Variants in PMPCB observed in about 807,000 individuals in gnomAD.
PMPCB encodes mitochondrial-processing peptidase subunit beta.
In PMPCB, 46 loss-of-function variants were observed where a neutral mutation model predicts 61.5. That is an observed-to-expected ratio of 0.75 (90% CI 0.59 to 0.96). PMPCB has a LOEUF of 0.96. PMPCB is among the 40% of genes least tolerant of loss of function. The probability of loss-of-function intolerance (pLI) is 0.00; values close to 1 mark genes in which losing one functional copy is unlikely to be tolerated. For synonymous variants in PMPCB, 191 were observed against 201.6 expected (o/e 0.95, Z 0.44); for missense variants, 590 against 602.4 (o/e 0.98, Z 0.22).
chr7:103,322,396 A>G, intron 12 of PMPCB: 1 of 1,089,974 alleles, frequency 9.2e-7, no homozygotes, highest in Admixed American at 2.9e-5. Context: ...TCACAGTAGC[A>G]CCCAATTCTC....
rs759138144 is a variant in PMPCB, at chr7:103,298,754, TA to T, written c.240+47del. ...TCTCTAAGTGACCCTTCATTTAGCG[TA>T]GCAAATTGTTGATTTTAATCTTTAG... On this transcript the variant is annotated intron_variant, in intron 2 of 12. Transcript: ENST00000249269. 4.5e-6 allele frequency: 7 copies of T among 1,561,706 alleles called. No individual in the cohort carries two copies. The Admixed American group carries it at 1.3e-4, about 29-fold the overall frequency.
intron 12 of PMPCB, chr7:103,324,718 G>C (rs1818610354): frequency 1.4e-6 from 1 of 689,836 alleles, no homozygotes; most frequent in Non-Finnish European, 2.1e-6. Context: ...TGGAAGGTCA[G>C]CAGTGGGGCA....
chr7:103,346,426 C>T, the PMPCB span, among the ~76,000 whole-genome samples: 5 of 152,132 alleles, frequency 3.3e-5, no homozygotes, highest in Non-Finnish European at 5.9e-5. Flanking sequence ...CCACGGTGCC[C>T]GGTCGGGGGT....
At chr7:103,340,622 G>A in the PMPCB span, among the ~76,000 whole-genome samples, 1,782 of 152,256 alleles carry the variant, frequency 0.012, 32 homozygotes, top group African/African-American at 0.041. Flanking sequence ...TCCCAAGGTC[G>A]AAGTGCACCA....
the PMPCB span, chr7:103,344,275 T>TG: frequency 1.9e-6 from 1 of 514,462 alleles, no homozygotes; most frequent in East Asian, 3.3e-5. Flanking sequence ...TCTGGGGTGC[T>TG]GGGGGGTTCC....
the PMPCB span, among the ~76,000 whole-genome samples, chr7:103,338,382 C>T: frequency 3.4e-4 from 51 of 150,974 alleles, no homozygotes; most frequent in South Asian, 8.7e-3. Flanking sequence ...CTGCAACCTC[C>T]GCCTCCCGGG....
the PMPCB span, among the ~76,000 whole-genome samples, chr7:103,339,162 T>C: frequency 6.6e-6 from 1 of 152,260 alleles, no homozygotes; most frequent in Admixed American, 6.5e-5. Flanking sequence ...CTACATGTTC[T>C]TGTTTACTTA....
At chr7:103,316,728 C>T, downstream of PMPCB, 1 of 998,412 alleles carries the variant, frequency 1.0e-6, no homozygotes, top group East Asian at 2.4e-5. Context: ...CAGAATTTAT[C>T]TCTGCAAGTT....
At position 103,312,057 on chromosome 7, in the gene PMPCB, C is replaced by A; in HGVS notation, c.1331C>A (p.Ala444Asp). The change falls in exon 12 of 13, where the codon GCT (alanine) becomes GAT (aspartate). Residue 444 changes from alanine to aspartate, a missense_variant and splice_region_variant. Physicochemically the swap from Ala to Asp is moderately radical, Grantham distance 126. Transcript: ENST00000249269. ...ATGACAGTGTCTTCCATATTTCAGG[C>A]TGTGAATGCTGAGACAATTCGAGAA... ...PIPELEARID[A>D]VNAETIREVC... is the part of the protein sequence containing the mutation. The A allele has an allele frequency of 6.2e-7, 1 of 1,613,052 alleles. No individual in the cohort carries two copies.
At chr7:103,323,390 G>T (rs1173055933) in intron 12 of PMPCB, among the ~76,000 whole-genome samples, 2 of 152,058 alleles carry the variant, frequency 1.3e-5, no homozygotes, top group Admixed American at 1.3e-4. Context: ...ATATTCCTTG[G>T]CAATTTCTTA....
At chr7:103,344,214 C>T in the PMPCB span, 1 of 315,410 alleles carries the variant, frequency 3.2e-6, no homozygotes, top group Non-Finnish European at 5.9e-6. Flanking sequence ...GTGGGGTGCT[C>T]GCTGCGCGTA....
intron 3 of PMPCB, 73 bp downstream of exon 3, chr7:103,299,602 C>T (rs1817392400): frequency 1.2e-6 from 1 of 817,636 alleles, no homozygotes; most frequent in South Asian, 1.6e-5. Context: ...TCTTTAGAGG[C>T]AGGGAGAGCT....
chr7:103,324,983 C>T (rs1818625349), intron 12 of PMPCB, among the ~76,000 whole-genome samples: 1 of 152,210 alleles, frequency 6.6e-6, no homozygotes, highest in Non-Finnish European at 1.5e-5. Flanking sequence ...CTAATTTCCA[C>T]CTCATCACCA....
chr7:103,302,193 T>G (rs1363776550), intron 4 of PMPCB, among the ~76,000 whole-genome samples: 1 of 152,180 alleles, frequency 6.6e-6, no homozygotes, highest in Non-Finnish European at 1.5e-5. Flanking sequence ...CTTAATCCAG[T>G]CTATCATTGA....
At position 103,314,254 on chromosome 7, in the gene PMPCB, T is replaced by C. The variant is rs1469477676; in HGVS notation, c.*1983T>C. On this transcript the variant is annotated 3_prime_UTR_variant, in exon 13 of 13. Coordinates refer to ENST00000249269, the MANE Select transcript of PMPCB (RefSeq NM_004279.3). ...AGTGACATGGCAGTATTTCCTGCTGTTCTCCAGTTACTTCACAATACCAAA... is the reference window on the plus strand; with the variant it reads ...AGTGACATGGCAGTATTTCCTGCTGCTCTCCAGTTACTTCACAATACCAAA... 2.5e-5 allele frequency: 25 copies of C among 985,332 alleles called. No individual in the cohort carries two copies. Among genetic ancestry groups the C allele is most frequent in the Non-Finnish European group, 3.0e-5 (25 of 829,934 alleles). 61.0% of individuals were successfully genotyped at this position (985,332 alleles called of 1,614,324 possible).
At chr7:103,328,974 G>A (rs1367750082) in exon 13 of PMPCB, 1 of 1,274,740 alleles carries the variant, frequency 7.8e-7, no homozygotes, top group East Asian at 5.7e-5. Context: ...AATGGAACAA[G>A]TTATTTTCCA....
downstream of PMPCB, among the ~76,000 whole-genome samples, chr7:103,331,095 T>C (rs1818950655): frequency 6.6e-6 from 1 of 151,926 alleles, no homozygotes; most frequent in Non-Finnish European, 1.5e-5. Flanking sequence ...TATCTGGGAT[T>C]ACAGGCACCT....
chr7:103,327,624 T>C (rs1348332401), intron 12 of PMPCB: 2 of 1,371,708 alleles, frequency 1.5e-6, no homozygotes, highest in Non-Finnish European at 2.1e-6. Flanking sequence ...CAATTACTAT[T>C]AGAAATTCCT....
downstream of PMPCB, chr7:103,319,484 C>G (rs879532458): frequency 1.0e-6 from 1 of 965,562 alleles, no homozygotes; most frequent in Admixed American, 2.5e-5. Context: ...AACAACAAAA[C>G]AGTGGGAAAC....
Sources: gnomAD v4.1 joint callset for allele counts (sites outside exome capture counted in the v4.1 genomes callset) on GRCh38, gnomAD v4.1.1 for gene constraint, MANE v1.5 for transcripts, NCBI Gene and HGNC (gene_info 2026-07-23, HGNC 2026-07-21) for gene names.